NELFA: variants seen among roughly 807,000 people sequenced by gnomAD.
The protein encoded by NELFA is negative elongation factor complex member A.
A neutral mutation model predicts 51.8 loss-of-function variants in NELFA; 35 were observed. The observed-to-expected ratio is 0.68, with a 90% CI of 0.52 to 0.90. NELFA has a LOEUF of 0.90. Ranked by LOEUF, NELFA falls within the 40% of genes least tolerant of loss-of-function variation. NELFA has a pLI of 0.00. For missense variants in NELFA, 658 were observed against 746.4 expected, an observed-to-expected ratio of 0.88 and a Z score of 1.38; for synonymous variants, 417 against 338.4, an observed-to-expected ratio of 1.23 and a Z score of -2.55.
In NELFA at chr4:1,986,353, C is replaced by T. The variant is rs529227132; in HGVS notation, c.684G>A (p.Ala228=). ...PKQAPFRSPT[A]PSVFSPTGNR... ...TCCCTGTGGGGCTGAAGACGCTGGG[C>T]GCCGTGGGGCTTCTGAAGGGCGCCT... The change falls in exon 5 of 11, where the codon GCG becomes GCA. Residue 228 remains alanine (A), a synonymous_variant. Transcript: ENST00000382882. 1.6e-5 allele frequency: 26 copies of T among 1,606,726 alleles called. No individual in the cohort carries two copies. Among genetic ancestry groups the T allele is most frequent in the Middle Eastern group, 1.7e-4 (1 of 6,046 alleles).
chr4:1,992,287 G>C, intron 1 of NELFA: 1 of 246,766 alleles, frequency 4.1e-6, no homozygotes, highest in South Asian at 3.5e-5. Context: ...GGCGCTGGGA[G>C]TTGGCGCTCG....
intron 7 of NELFA, among the ~76,000 whole-genome samples, chr4:1,985,352 A>ACCTGCCGCGCCCCGTGGCTG (rs1270652211): frequency 2.6e-5 from 4 of 152,254 alleles, no homozygotes; most frequent in African/African-American, 9.6e-5. Context: ...GCCTCTGTGC[A>ACCTGCCGCGCCCCGTGGCTG]CCTGCCGCGC....
intron 6 of NELFA, 64 bp from the exon 7 acceptor site, chr4:1,985,928 C>A: frequency 6.9e-7 from 1 of 1,448,102 alleles, no homozygotes; most frequent in Non-Finnish European, 9.4e-7. Context: ...CTCAGGGCAG[C>A]GGCAGGGAAT....
intron 1 of NELFA, among the ~76,000 whole-genome samples, chr4:2,006,468 A>T (rs1728712566): frequency 6.6e-6 from 1 of 152,186 alleles, no homozygotes; most frequent in Non-Finnish European, 1.5e-5. Flanking sequence ...GCTTCTATTC[A>T]TCCATGATTC....
intron 1 of NELFA, 68 bp downstream of exon 1, chr4:2,008,682 T>A (rs1397973791): frequency 6.6e-7 from 1 of 1,518,298 alleles, no homozygotes; most frequent in African/African-American, 1.4e-5. Flanking sequence ...GGGTCCGGAG[T>A]TGGGTGTGCG....
At chr4:2,007,240 G>T in intron 1 of NELFA, 1 of 298,320 alleles carries the variant, frequency 3.4e-6, no homozygotes, top group Non-Finnish European at 7.3e-6. Context: ...AAAACACTCT[G>T]AAAAATAATT....
intron 1 of NELFA, among the ~76,000 whole-genome samples, chr4:1,995,590 A>C (rs1415639444): frequency 6.6e-6 from 1 of 152,238 alleles, no homozygotes; most frequent in Non-Finnish European, 1.5e-5. Flanking sequence ...TCTTTATCAC[A>C]ATTTCTTGTA....
intron 1 of NELFA, 118 bp downstream of exon 1, chr4:2,008,632 G>C: frequency 7.9e-7 from 1 of 1,265,966 alleles, no homozygotes; most frequent in Non-Finnish European, 1.1e-6. Context: ...GGGGTTAACA[G>C]TCTGAAGGGG....
rs1377630801 is a variant in NELFA, at chr4:1,986,560, C to CA, written c.635-159dup. 4.9e-6 allele frequency: 6 copies of CA among 1,218,094 alleles called. No individual in the cohort carries two copies. In the African/African-American group the frequency reaches 9.1e-5, roughly 19 times the overall value. 75.5% of individuals were successfully genotyped at this position (1,218,094 alleles called of 1,614,324 possible). A position where few individuals can be genotyped will look rare whatever the true frequency, so the allele number is the denominator to read the frequency against. ...GCAGGACCCCCAGGATCCCGGACCT[C>CA]AAGGAGCAGGGGAACGCCTGGAGCC... On this transcript the variant is annotated intron_variant, in intron 4 of 10. Transcript: ENST00000382882.
intron 1 of NELFA, among the ~76,000 whole-genome samples, chr4:2,004,455 G>A (rs1449593118): frequency 6.6e-6 from 1 of 152,042 alleles, no homozygotes; most frequent in Non-Finnish European, 1.5e-5. Flanking sequence ...TTTAAATGGT[G>A]AACTACCTGG....
intron 1 of NELFA, among the ~76,000 whole-genome samples, chr4:2,004,406 CA>C (rs1343431602): frequency 6.6e-6 from 1 of 152,088 alleles, no homozygotes; most frequent in Non-Finnish European, 1.5e-5. Flanking sequence ...GCATGACCAT[CA>C]AACCTGTAAA....
In NELFA at chr4:1,984,887, C is replaced by G; in HGVS notation, c.957G>C (p.Leu319=). The G allele has an allele frequency of 6.3e-7, 1 of 1,578,730 alleles. No homozygotes were observed. Among genetic ancestry groups the G allele is most frequent in the South Asian group, 1.2e-5 (1 of 85,648 alleles). ...TGGAGGGAAGGTAGCTCGTGGAGGG[C>G]AGCGCAGGCTCATTGTTCAGGGACC... The part of the protein sequence containing the change: ...KLGSLNNEPA[L]PSTSYLPSTP... The change falls in exon 8 of 11, where the codon CTG becomes CTC. Residue 319 remains leucine, a synonymous_variant. Transcript: ENST00000382882.
At chr4:2,008,396 G>A (rs1380293691) in intron 1 of NELFA, among the ~76,000 whole-genome samples, 2 of 151,370 alleles carry the variant, frequency 1.3e-5, no homozygotes, top group Non-Finnish European at 1.5e-5. Flanking sequence ...GGATCCCAGG[G>A]GAGGTGAAAA....
At chr4:1,999,458 C>A (rs1410468087) in intron 1 of NELFA, among the ~76,000 whole-genome samples, 1 of 151,782 alleles carries the variant, frequency 6.6e-6, no homozygotes, top group African/African-American at 2.4e-5. Context: ...AAACTTCAAG[C>A]AAATGGAAAG....
intron 6 of NELFA, 49 bp downstream of exon 6, chr4:1,986,065 G>A (rs767305085): frequency 2.6e-6 from 4 of 1,540,040 alleles, no homozygotes; most frequent in South Asian, 1.2e-5. Context: ...AACTGGGCAG[G>A]GCCCGCAGGG....
chr4:1,997,346 G>C (rs1296919479), intron 1 of NELFA, among the ~76,000 whole-genome samples: 1 of 152,048 alleles, frequency 6.6e-6, no homozygotes, highest in Non-Finnish European at 1.5e-5. Flanking sequence ...AGACAGTCTG[G>C]GTAAGTAAAA....
chr4:1,997,742 G>T (rs150801206), intron 1 of NELFA, among the ~76,000 whole-genome samples: 21 of 152,276 alleles, frequency 1.4e-4, no homozygotes, highest in Non-Finnish European at 2.2e-4. Flanking sequence ...CAGACAAGTG[G>T]TTTCCCCCCA....
rs373613034 is a variant in NELFA at position 1,986,264 on chromosome 4, G to A, written c.765+8C>T. 9.5e-6 allele frequency: 15 copies of A among 1,575,180 alleles called. No homozygotes were observed. The highest frequency in any genetic ancestry group is 1.7e-4 in the Middle Eastern group (1 of 6,006). Reference sequence around the variant, plus strand: ...CGGGGTGCCACAGGAGCTGGGGGACGGGCCTACCTTCACACCTCGTTCCTT... The same window carrying A: ...CGGGGTGCCACAGGAGCTGGGGGACAGGCCTACCTTCACACCTCGTTCCTT... On this transcript the variant is annotated splice_region_variant and intron_variant, in intron 5 of 10. Coordinates refer to ENST00000382882, the MANE Select transcript of NELFA (RefSeq NM_005663.5).
intron 1 of NELFA, 104 bp downstream of exon 1, chr4:2,008,646 G>A (rs1295804487): frequency 1.1e-5 from 15 of 1,367,436 alleles, no homozygotes; most frequent in African/African-American, 1.5e-5. Flanking sequence ...GAAGGGGGAT[G>A]GGAAGGTTGG....
Sources: gnomAD v4.1 joint callset for allele counts (sites outside exome capture counted in the v4.1 genomes callset) on GRCh38, gnomAD v4.1.1 for gene constraint, MANE v1.5 for transcripts, NCBI Gene and HGNC (gene_info 2026-07-23, HGNC 2026-07-21) for gene names.